The following CADM2 variants were observed in gnomAD, a reference collection of about 807,000 sequenced individuals.
The protein encoded by CADM2 is immunoglobulin superfamily member 4D.
CADM2 carries 12 observed loss-of-function variants against 49.8 expected under a neutral mutation model. The ratio of observed to expected loss-of-function variants is 0.24; its 90% CI spans 0.15 to 0.39. CADM2 has a LOEUF of 0.39. CADM2 is among the 10% of genes least tolerant of loss of function. The pLI, the probability that CADM2 is intolerant of heterozygous loss-of-function variation, is 1.00. For synonymous variants in CADM2, 214 were observed against 175.4 expected, an observed-to-expected ratio of 1.22 and a Z score of -1.74; for missense variants, 378 against 492.3, an observed-to-expected ratio of 0.77 and a Z score of 2.20.
At chr3:85,766,851 T>C (rs564102053) in intron 2 of CADM2, among the ~76,000 whole-genome samples, 2 of 152,272 alleles carry the variant, frequency 1.3e-5, no homozygotes, top group Admixed American at 1.3e-4. Context: ...TTCTATTTCA[T>C]TCAACTTGAT....
At chr3:85,822,741 T>C (rs1287952544) in intron 3 of CADM2, among the ~76,000 whole-genome samples, 1 of 152,150 alleles carries the variant, frequency 6.6e-6, no homozygotes, top group Non-Finnish European at 1.5e-5. Context: ...AGAAATCAAC[T>C]CAGGATCCAT....
chr3:85,624,809 ATT>A (rs2064077265), intron 1 of CADM2, among the ~76,000 whole-genome samples: 1 of 152,084 alleles, frequency 6.6e-6, no homozygotes, highest in Non-Finnish European at 1.5e-5. Context: ...TTATTTAATA[ATT>A]TTTAAGTTTT....
intron 5 of CADM2, among the ~76,000 whole-genome samples, chr3:85,906,278 C>G (rs541364025): frequency 8.2e-4 from 125 of 152,178 alleles, no homozygotes; most frequent in African/African-American, 2.8e-3. Context: ...GTACCTGGTT[C>G]TTGTAGCACC....
At chr3:85,418,731 A>G (rs2036023682) in intron 1 of CADM2, among the ~76,000 whole-genome samples, 1 of 152,168 alleles carries the variant, frequency 6.6e-6, no homozygotes, top group Non-Finnish European at 1.5e-5. Context: ...AAATAAACTC[A>G]GATTTTACAT....
At chr3:85,335,140 T>C (rs2045043731) in intron 1 of CADM2, among the ~76,000 whole-genome samples, 2 of 151,522 alleles carry the variant, frequency 1.3e-5, no homozygotes, top group Non-Finnish European at 3.0e-5. Context: ...AAAAACAAAA[T>C]ATTTTATAAT....
At chr3:85,741,545 G>A (rs2068389927) in intron 2 of CADM2, among the ~76,000 whole-genome samples, 1 of 152,064 alleles carries the variant, frequency 6.6e-6, no homozygotes, top group Non-Finnish European at 1.5e-5. Context: ...GTGCATGCCT[G>A]CAATCCCAGC....
At chr3:85,117,298 T>G (rs1056035755) in intron 1 of CADM2, among the ~76,000 whole-genome samples, 1 of 152,114 alleles carries the variant, frequency 6.6e-6, no homozygotes, top group Non-Finnish European at 1.5e-5. Context: ...TTCTCAGTCT[T>G]TTGAAAATAG....
At chr3:85,900,972 A>C (rs1716041387) in intron 5 of CADM2, among the ~76,000 whole-genome samples, 1 of 152,222 alleles carries the variant, frequency 6.6e-6, no homozygotes, top group South Asian at 2.1e-4. Context: ...ATATTTTACA[A>C]AATTTATGAA....
intron 1 of CADM2, among the ~76,000 whole-genome samples, chr3:85,416,156 G>A (rs528774266): frequency 6.6e-6 from 1 of 152,112 alleles, no homozygotes; most frequent in African/African-American, 2.4e-5. Context: ...CTTTTGTAAT[G>A]TGAATAAAGC....
chr3:85,458,187 T>C (rs1451248687), intron 1 of CADM2, among the ~76,000 whole-genome samples: 1 of 152,222 alleles, frequency 6.6e-6, no homozygotes, highest in African/African-American at 2.4e-5. Flanking sequence ...GCCATGCATA[T>C]AGTTATCTGT....
intron 1 of CADM2, among the ~76,000 whole-genome samples, chr3:85,024,366 G>C (rs562834301): frequency 6.6e-6 from 1 of 152,182 alleles, no homozygotes; most frequent in South Asian, 2.1e-4. Flanking sequence ...AGATTATGTA[G>C]CCAATTAATG....
intron 1 of CADM2, among the ~76,000 whole-genome samples, chr3:85,308,162 A>G (rs946828265): frequency 1.3e-5 from 2 of 151,914 alleles, no homozygotes; most frequent in African/African-American, 4.8e-5. Flanking sequence ...TTCTTTTGCC[A>G]GAAAATTTGC....
At chr3:85,254,912 G>T (rs1551213) in intron 1 of CADM2, among the ~76,000 whole-genome samples, 62,659 of 151,936 alleles carry the variant, frequency 0.41, 14,809 homozygotes, top group Admixed American at 0.56. Flanking sequence ...TCACCCAGAT[G>T]CCAGAGCCAA....
intron 1 of CADM2, among the ~76,000 whole-genome samples, chr3:85,587,260 T>G (rs1284716178): frequency 6.6e-6 from 1 of 152,020 alleles, no homozygotes; most frequent in African/African-American, 2.4e-5. Flanking sequence ...GCCCAAGATA[T>G]AAAAAATACA....
At chr3:85,849,480 C>T (rs1038534317) in intron 3 of CADM2, among the ~76,000 whole-genome samples, 1 of 152,114 alleles carries the variant, frequency 6.6e-6, no homozygotes, top group African/African-American at 2.4e-5. Flanking sequence ...TTCAAAATAA[C>T]CTTTTCCCAA....
chr3:85,102,264 T>A (rs1196516033), intron 1 of CADM2, among the ~76,000 whole-genome samples: 1 of 152,120 alleles, frequency 6.6e-6, no homozygotes, highest in African/African-American at 2.4e-5. Context: ...TATTCATTAA[T>A]CAATAAACAT....
At chr3:84,964,134 A>G (rs184428311) in intron 1 of CADM2, among the ~76,000 whole-genome samples, 454 of 152,336 alleles carry the variant, frequency 3.0e-3, no homozygotes, top group African/African-American at 9.7e-3. Context: ...ATCAACTGAG[A>G]TGATCTGTTC....
At chr3:85,693,509 G>C (rs1464885463) in intron 1 of CADM2, among the ~76,000 whole-genome samples, 1 of 150,438 alleles carries the variant, frequency 6.6e-6, no homozygotes, top group Non-Finnish European at 1.5e-5. Flanking sequence ...GAACCCGGGA[G>C]GCGGAGCTTG....
intron 4 of CADM2, 49 bp downstream of exon 4, chr3:85,883,492 ATATTGC>A (rs1235543651): frequency 6.8e-7 from 1 of 1,471,714 alleles, no homozygotes; most frequent in African/African-American, 1.4e-5. Context: ...AGAATGATAT[ATATTGC>A]TACAGCAACA....
Sources: gnomAD v4.1 joint callset for allele counts (sites outside exome capture counted in the v4.1 genomes callset) on GRCh38, gnomAD v4.1.1 for gene constraint, MANE v1.5 for transcripts, NCBI Gene and HGNC (gene_info 2026-07-23, HGNC 2026-07-21) for gene names.